LRRC37A2: variants seen among roughly 807,000 people sequenced by gnomAD.
LRRC37A2 encodes the protein leucine-rich repeat-containing protein 37A2.
LRRC37A2 carries 9 observed loss-of-function variants against 68.8 expected under a neutral mutation model. That is an observed-to-expected ratio of 0.13 (90% CI 0.08 to 0.23). The LOEUF (loss-of-function observed/expected upper bound fraction) is 0.23. LRRC37A2 is among the 10% of genes least tolerant of loss of function. The pLI is 1.00. For synonymous variants in LRRC37A2, 63 were observed against 367.6 expected (o/e 0.17, Z 9.48); for missense variants, 168 against 950.4 (o/e 0.18, Z 10.82).
chr17:46,965,303 A>G, the LRRC37A2 span, among the ~76,000 whole-genome samples: 2 of 152,176 alleles, frequency 1.3e-5, no homozygotes, highest in Non-Finnish European at 2.9e-5. Flanking sequence ...CCTTTTCTGC[A>G]TCCTCCCTGG....
At chr17:46,786,750 G>C in the LRRC37A2 span, among the ~76,000 whole-genome samples, 3 of 152,126 alleles carry the variant, frequency 2.0e-5, no homozygotes, top group Admixed American at 1.3e-4. Context: ...CCTACTTGGG[G>C]TCACAGCATT....
chr17:46,976,653 G>A, the LRRC37A2 span, among the ~76,000 whole-genome samples: 1 of 152,138 alleles, frequency 6.6e-6, no homozygotes, highest in Non-Finnish European at 1.5e-5. Flanking sequence ...GAGAGTTCTC[G>A]CAGTGTTCGC....
chr17:46,502,876 C>T, the LRRC37A2 span, among the ~76,000 whole-genome samples: 1 of 150,748 alleles, frequency 6.6e-6, no homozygotes, highest in African/African-American at 2.5e-5. Flanking sequence ...CACTGTGACT[C>T]ATGTTACAGG....
chr17:46,952,748 T>C, the LRRC37A2 span: 2 of 152,170 alleles, frequency 1.3e-5, no homozygotes, highest in Non-Finnish European at 2.9e-5. Context: ...GCAATATCAG[T>C]TAAGTCCCTG....
the LRRC37A2 span, among the ~76,000 whole-genome samples, chr17:46,873,572 T>G: frequency 6.6e-6 from 1 of 152,204 alleles, no homozygotes; most frequent in South Asian, 2.1e-4. Flanking sequence ...TAAATGGAAC[T>G]TCTAGCCTGG....
chr17:46,803,865 G>C, the LRRC37A2 span, among the ~76,000 whole-genome samples: 2 of 152,234 alleles, frequency 1.3e-5, no homozygotes, highest in Admixed American at 1.3e-4. Flanking sequence ...AGATACTCCA[G>C]GAGCCTAAAT....
At chr17:46,927,870 C>G in the LRRC37A2 span, among the ~76,000 whole-genome samples, 48 of 152,148 alleles carry the variant, frequency 3.2e-4, no homozygotes, top group Middle Eastern at 3.4e-3. Flanking sequence ...TGTCACTGTT[C>G]GTGTTGATCA....
At chr17:47,041,452 C>T in the LRRC37A2 span, among the ~76,000 whole-genome samples, 10 of 36,464 alleles carry the variant, frequency 2.7e-4, no homozygotes, top group Admixed American at 6.4e-4. Context: ...TTGGATGTCT[C>T]TTTTTTTTTT....
the LRRC37A2 span, among the ~76,000 whole-genome samples, chr17:47,038,071 C>T: frequency 0.19 from 29,191 of 151,922 alleles, 3,594 homozygotes; most frequent in East Asian, 0.56. Context: ...TGGGAGGCTG[C>T]GGTGGGAGGA....
chr17:46,846,263 A>G, the LRRC37A2 span, among the ~76,000 whole-genome samples: 4 of 152,234 alleles, frequency 2.6e-5, no homozygotes, highest in African/African-American at 9.6e-5. Flanking sequence ...GTAGCCATCA[A>G]TAAGTCAGGT....
the LRRC37A2 span, chr17:46,851,731 G>C: frequency 1.6e-6 from 2 of 1,248,750 alleles, no homozygotes; most frequent in African/African-American, 1.6e-5. The surrounding 1 kb of genome is among the most constrained non-coding windows in gnomAD (Gnocchi z 4.3). Flanking sequence ...TGCCCGCCGC[G>C]CCCCCCGCCC....
At chr17:46,497,076 T>C in the LRRC37A2 span, among the ~76,000 whole-genome samples, 1 of 132,918 alleles carries the variant, frequency 7.5e-6, no homozygotes, top group Non-Finnish European at 1.6e-5. Context: ...TTTGTAAAAA[T>C]AGAGATGGGG....
the LRRC37A2 span, chr17:47,022,048 T>C: frequency 1.2e-6 from 1 of 805,186 alleles, no homozygotes; most frequent in Non-Finnish European, 2.0e-6. Flanking sequence ...TCAACCACTG[T>C]TGACTGCAAT....
At chr17:46,744,891 T>G in the LRRC37A2 span, among the ~76,000 whole-genome samples, 1 of 152,226 alleles carries the variant, frequency 6.6e-6, no homozygotes, top group Non-Finnish European at 1.5e-5. Flanking sequence ...TAACTAATAC[T>G]TATTTAACCT....
chr17:47,018,484 A>C, the LRRC37A2 span: 9 of 1,527,146 alleles, frequency 5.9e-6, no homozygotes, highest in Non-Finnish European at 8.2e-6. Flanking sequence ...GAGGTGGGAA[A>C]TTCTTTAGTC....
chr17:47,001,162 G>A, the LRRC37A2 span, among the ~76,000 whole-genome samples: 4 of 152,110 alleles, frequency 2.6e-5, no homozygotes, highest in Admixed American at 6.6e-5. Context: ...GCGTAATAAG[G>A]AGCCAGAGAC....
chr17:46,779,104 C>CACACACACACACACACACACACA, the LRRC37A2 span, among the ~76,000 whole-genome samples: 13 of 130,820 alleles, frequency 9.9e-5, no homozygotes, highest in East Asian at 3.6e-4. Context: ...CACACACACA[C>CACACACACACACACACACACACA]CCCAGCCCAC....
the LRRC37A2 span, among the ~76,000 whole-genome samples, chr17:46,694,183 G>A: frequency 7.4e-6 from 1 of 135,198 alleles, no homozygotes; most frequent in Admixed American, 7.6e-5. Context: ...CCAGTTGTTC[G>A]AGACCAGCCT....
chr17:46,605,846 G>T, the LRRC37A2 span, among the ~76,000 whole-genome samples: 1 of 47,554 alleles, frequency 2.1e-5, no homozygotes, highest in Non-Finnish European at 3.5e-5. Flanking sequence ...GTATGCGGAG[G>T]TTTTAAAAAT....
Sources: gnomAD v4.1 joint callset for allele counts (sites outside exome capture counted in the v4.1 genomes callset) on GRCh38, gnomAD v4.1.1 for gene constraint, Gnocchi (gnomAD v3.1) non-coding constraint, MANE v1.5 for transcripts, NCBI Gene and HGNC (gene_info 2026-07-23, HGNC 2026-07-21) for gene names.